Variants in MED26 observed in about 807,000 individuals in gnomAD.
The protein encoded by MED26 is mediator complex subunit 26, also known as mediator of RNA polymerase II transcription subunit 26.
Under a neutral mutation model 43.7 loss-of-function variants are expected in MED26, and 7 were observed. The observed-to-expected ratio is 0.16, with a 90% CI of 0.09 to 0.30. MED26 has a LOEUF of 0.30. Ranked by LOEUF, MED26 falls within the 10% of genes least tolerant of loss-of-function variation. The pLI is 1.00. For missense variants in MED26, 784 were observed against 840.6 expected (o/e 0.93, Z 0.83); for synonymous variants, 375 against 371.1 (o/e 1.01, Z -0.12).
chr19:16,608,472 T>C (rs1199353470), intron 1 of MED26, among the ~76,000 whole-genome samples: 1 of 152,250 alleles, frequency 6.6e-6, no homozygotes, highest in Admixed American at 6.5e-5. Context: ...TGTTAGTGGC[T>C]TGAAGCCAGC....
chr19:16,611,382 G>C (rs1286131555), intron 1 of MED26: 1 of 152,134 alleles, frequency 6.6e-6, no homozygotes, highest in African/African-American at 2.4e-5. Context: ...TTGCACACTA[G>C]TGTTCTGAAC....
intron 1 of MED26, among the ~76,000 whole-genome samples, chr19:16,621,712 G>A (rs1461670128): frequency 6.6e-6 from 1 of 151,936 alleles, no homozygotes; most frequent in Non-Finnish European, 1.5e-5. Context: ...CAAGGGCCTG[G>A]GTATGTCCAC....
chr19:16,619,834 C>T (rs2086243463), intron 1 of MED26, among the ~76,000 whole-genome samples: 1 of 152,220 alleles, frequency 6.6e-6, no homozygotes, highest in Admixed American at 6.5e-5. Context: ...GACCCACCAC[C>T]AGGGTGTGGC....
intron 1 of MED26, among the ~76,000 whole-genome samples, chr19:16,621,988 C>A (rs75888982): frequency 1.3e-5 from 2 of 152,258 alleles, no homozygotes; most frequent in East Asian, 3.9e-4. Context: ...TCTGCCTGTG[C>A]CCCATCCCAC....
intron 1 of MED26, among the ~76,000 whole-genome samples, chr19:16,583,755 T>C (rs1333049033): frequency 6.6e-6 from 1 of 152,124 alleles, no homozygotes; most frequent in Non-Finnish European, 1.5e-5. Context: ...TTTCAGGTCT[T>C]AGAATGGAAA....
chr19:16,580,723 TCATCCGAAGC>T (rs2086041124), intron 1 of MED26, among the ~76,000 whole-genome samples: 1 of 152,138 alleles, frequency 6.6e-6, no homozygotes, highest in South Asian at 2.1e-4. Context: ...TTGCTGGTTG[TCATCCGAAGC>T]CATTCCCAGC....
chr19:16,627,010 C>T (rs1350938632), intron 1 of MED26, among the ~76,000 whole-genome samples: 1 of 150,926 alleles, frequency 6.6e-6, no homozygotes, highest in African/African-American at 2.4e-5. Flanking sequence ...AAGGGGCACC[C>T]GAGGAAGCGA....
rs1044995882 is a variant in MED26 at position 16,603,628 on chromosome 19, G to C, written c.72+24244C>G. 3.9e-5 allele frequency among the ~76,000 whole-genome samples: 6 copies of C among 152,266 alleles called. No individual in the cohort carries two copies. The South Asian group carries it at 1.0e-3, about 26-fold the overall frequency. On this transcript the variant is annotated intron_variant, in intron 1 of 2. Transcript: ENST00000263390. ...GCCGCAGTCTCCCCATCGGTCAATA[G>C]CAGGGCCCCAACACTGCCTATCTCG...
At chr19:16,614,652 G>A (rs12460160) in intron 1 of MED26, among the ~76,000 whole-genome samples, 3,966 of 152,250 alleles carry the variant, frequency 0.026, 152 homozygotes, top group Admixed American at 0.083. Flanking sequence ...GGGTCCTGTC[G>A]ACGGCTTCTG....
At chr19:16,601,581 A>C (rs1404236847) in intron 1 of MED26, among the ~76,000 whole-genome samples, 1 of 152,184 alleles carries the variant, frequency 6.6e-6, no homozygotes, top group African/African-American at 2.4e-5. Flanking sequence ...AGAGCTTCTA[A>C]GTGTGTAGCA....
chr19:16,587,228 T>C lies in MED26; in HGVS notation c.73-8819A>G, dbSNP rs1487877520. The C allele has an allele frequency of 6.6e-6, 1 of 151,798 alleles. No homozygotes were observed. The highest frequency in any genetic ancestry group is 6.6e-5 in the Admixed American group (1 of 15,242). The allele number at this position is 151,798 out of a possible 1,614,324, so 9.4% of individuals were successfully genotyped here. A position where few individuals can be genotyped will look rare whatever the true frequency, so the allele number is the denominator to read the frequency against. On this transcript the variant is annotated intron_variant, in intron 1 of 2. Transcript: ENST00000263390. The surrounding 1 kb of genome is among the most constrained non-coding windows in gnomAD (Gnocchi z 4.9). ...TGGTTCCCGCCACACCAAGTCTTCC[T>C]GCTTCTGACAAACTCCGCACGTGTT...
chr19:16,592,891 G>A (rs2086104390), intron 1 of MED26, among the ~76,000 whole-genome samples: 1 of 152,180 alleles, frequency 6.6e-6, no homozygotes, highest in Non-Finnish European at 1.5e-5. Context: ...TCCAAAGGCG[G>A]CATCACTCAA....
chr19:16,596,899 T>G (rs916015521), intron 1 of MED26, among the ~76,000 whole-genome samples: 6 of 152,212 alleles, frequency 3.9e-5, no homozygotes, highest in Non-Finnish European at 8.8e-5. Flanking sequence ...AGCCCCAAAG[T>G]TGCAAACAAA....
rs2086120177 is a variant in MED26 at position 16,596,417 on chromosome 19, A to G, written c.73-18008T>C. Among the ~76,000 whole-genome samples the G allele has an allele frequency of 2.6e-5, 4 of 152,198 alleles. No homozygotes were observed. The South Asian group carries it at 8.3e-4, about 31-fold the overall frequency. The stretch of plus-strand genomic sequence containing the variant: ...GAGGATCTGGCACAGACATTCATAA[A>G]TAATTTCCTAGGACTGGCACTGAAG... On this transcript the variant is annotated intron_variant, in intron 1 of 2. Transcript: ENST00000263390.
At chr19:16,612,329 A>C (rs966767913) in intron 1 of MED26, 2 of 152,128 alleles carry the variant, frequency 1.3e-5, no homozygotes, top group Non-Finnish European at 1.5e-5. Context: ...CTATCACCCA[A>C]GCTGGAGTGC....
rs2086070519 is a variant in MED26 at position 16,586,331 on chromosome 19, A to C, written c.73-7922T>G. Among the ~76,000 whole-genome samples, 1 of 152,220 alleles carries C rather than the reference A, an allele frequency of 6.6e-6. No homozygotes were observed. On this transcript the variant is annotated intron_variant, in intron 1 of 2. Transcript: ENST00000263390. The surrounding 1 kb of genome is among the most constrained non-coding windows in gnomAD (Gnocchi z 5.1). ...GGTCCCGGGTAGACCACACAGCTAG[A>C]AGATGGTGAGGCCTGGCCTTCCACT...
chr19:16,621,375 C>T (rs1417846585), intron 1 of MED26, among the ~76,000 whole-genome samples: 2 of 152,238 alleles, frequency 1.3e-5, no homozygotes, highest in South Asian at 2.1e-4. Context: ...GTTCGTCTTG[C>T]AGCCTCTGCT....
chr19:16,579,765 G>A (rs1200202361), intron 1 of MED26, among the ~76,000 whole-genome samples: 1 of 152,154 alleles, frequency 6.6e-6, no homozygotes, highest in Non-Finnish European at 1.5e-5. Context: ...CAGCATAAAA[G>A]GGCACACAAG....
At chr19:16,615,826 T>C (rs2086223697) in intron 1 of MED26, among the ~76,000 whole-genome samples, 1 of 151,222 alleles carries the variant, frequency 6.6e-6, no homozygotes, top group Non-Finnish European at 1.5e-5. Context: ...TCCTCTCCAC[T>C]CCTCTGACCA....
Sources: gnomAD v4.1 joint callset for allele counts (sites outside exome capture counted in the v4.1 genomes callset) on GRCh38, gnomAD v4.1.1 for gene constraint, Gnocchi (gnomAD v3.1) non-coding constraint, MANE v1.5 for transcripts, NCBI Gene and HGNC (gene_info 2026-07-23, HGNC 2026-07-21) for gene names.